RAB22A: variants seen among roughly 807,000 people sequenced by gnomAD.
RAB22A encodes RAB22A, member RAS oncogene family.
RAB22A carries 13 observed loss-of-function variants against 30.2 expected under a neutral mutation model. The ratio of observed to expected loss-of-function variants is 0.43; its 90% confidence interval spans 0.28 to 0.68. The LOEUF is 0.68. Among genes scored for constraint, RAB22A ranks in the 30% least tolerant of loss-of-function variants. The probability of loss-of-function intolerance (pLI) is 0.18; values close to 1 mark genes in which losing one functional copy is unlikely to be tolerated. For missense variants in RAB22A, 177 were observed against 246.8 expected, an observed-to-expected ratio of 0.72 and a Z score of 1.89; for synonymous variants, 89 against 87.2, an observed-to-expected ratio of 1.02 and a Z score of -0.11.
At chr20:58,326,041 T>C (rs1010957129) in intron 2 of RAB22A, among the ~76,000 whole-genome samples, 1 of 152,238 alleles carries the variant, frequency 6.6e-6, no homozygotes, top group African/African-American at 2.4e-5. Context: ...GAATTTAATA[T>C]CTTACTGATA....
At chr20:58,314,665 A>AC (rs1353882033) in intron 2 of RAB22A, among the ~76,000 whole-genome samples, 1 of 150,820 alleles carries the variant, frequency 6.6e-6, no homozygotes, top group Non-Finnish European at 1.5e-5. Flanking sequence ...ACATGGTGAA[A>AC]CCCCGTCTCT....
In RAB22A at chr20:58,309,737, A is replaced by AGAT; in HGVS notation, c.-238_-236dup. The AGAT allele has an allele frequency of 4.1e-6, 1 of 244,052 alleles. No individual in the cohort carries two copies. The highest frequency in any genetic ancestry group is 7.8e-6 in the Non-Finnish European group (1 of 129,010). The allele number at this position is 244,052 out of a possible 1,614,324, so 15.1% of individuals were successfully genotyped here. On this transcript the variant is annotated 5_prime_UTR_variant, in exon 1 of 7. The change creates a new upstream start codon in the 5' untranslated region. Transcript: ENST00000244040. ...GTCAGGTGACGCGGCCGGCGTCCCA[A>AGAT]GATGGCGGCGGCGGCGGCTCCCGGA...
chr20:58,355,331 A>G (rs527712361), intron 6 of RAB22A, among the ~76,000 whole-genome samples: 8 of 152,274 alleles, frequency 5.3e-5, no homozygotes, highest in Non-Finnish European at 1.0e-4. Flanking sequence ...AGCTGGGGCC[A>G]CACTGGAATG....
chr20:58,353,730 T>C (rs944220753), intron 5 of RAB22A, among the ~76,000 whole-genome samples, 192 bp downstream of exon 5: 1 of 152,236 alleles, frequency 6.6e-6, no homozygotes, highest in African/African-American at 2.4e-5. Context: ...ATATTATGTA[T>C]ACAGACAGGT....
intron 2 of RAB22A, among the ~76,000 whole-genome samples, chr20:58,329,190 A>G (rs1339752354): frequency 6.6e-6 from 1 of 151,586 alleles, no homozygotes. Flanking sequence ...AGTAGCTGGG[A>G]TTACAGGCGC....
At chr20:58,312,552 G>C (rs554138520) in intron 2 of RAB22A, among the ~76,000 whole-genome samples, 5 of 129,198 alleles carry the variant, frequency 3.9e-5, no homozygotes, top group African/African-American at 1.4e-4. Context: ...GCAGTGGCGC[G>C]ATCTTGGCTC....
At position 58,364,008 on chromosome 20, in the gene RAB22A, G is replaced by A. The variant is rs1355471220; in HGVS notation, c.*4305G>A. The A allele has an allele frequency of 2.6e-5, 4 of 152,596 alleles. No individual in the cohort carries two copies. The highest frequency in any genetic ancestry group is 4.4e-5 in the Non-Finnish European group (3 of 68,038). 9.5% of individuals were successfully genotyped at this position (152,596 alleles called of 1,614,324 possible). On this transcript the variant is annotated 3_prime_UTR_variant, in exon 7 of 7. Transcript: ENST00000244040. ...CTTGACTTCTAATAATATAAATCCA[G>A]GCAGTTTGATTATCCGATTTGCAAG...
At chr20:58,313,244 A>G (rs1207125363) in intron 2 of RAB22A, among the ~76,000 whole-genome samples, 1 of 151,882 alleles carries the variant, frequency 6.6e-6, no homozygotes, top group Non-Finnish European at 1.5e-5. Flanking sequence ...CCTCTAGTCC[A>G]CTCTCTGCAC....
chr20:58,317,772 T>C (rs572265311), intron 2 of RAB22A, among the ~76,000 whole-genome samples: 2 of 151,640 alleles, frequency 1.3e-5, no homozygotes, highest in East Asian at 3.9e-4. Flanking sequence ...GGTCTTGATC[T>C]CCTGACCTCG....
Position 58,363,972 on chromosome 20 carries a change from G to A in RAB22A, c.*4269G>A, listed in dbSNP as rs1388834705. ...CCTCTGCGAATTTCTCTTGACAGCG[G>A]AGTTGCTTGTCTTGACTTCTAATAA... On this transcript the variant is annotated 3_prime_UTR_variant, in exon 7 of 7. Coordinates refer to ENST00000244040, the MANE Select transcript of RAB22A (RefSeq NM_020673.3). 1 of 152,624 alleles carries A rather than the reference G, an allele frequency of 6.6e-6. No homozygotes were observed. The highest frequency in any genetic ancestry group is 1.5e-5 in the Non-Finnish European group (1 of 68,046). 9.5% of individuals were successfully genotyped at this position (152,624 alleles called of 1,614,324 possible).
intron 2 of RAB22A, among the ~76,000 whole-genome samples, chr20:58,316,279 G>T (rs777604106): frequency 1.3e-5 from 2 of 151,986 alleles, no homozygotes; most frequent in Non-Finnish European, 2.9e-5. Flanking sequence ...AGGTCCCCTC[G>T]TTCATCTTCT....
chr20:58,359,710 C>T lies in RAB22A; in HGVS notation c.*7C>T, dbSNP rs764208527. 5 of 1,592,558 alleles carry T rather than the reference C, an allele frequency of 3.1e-6. No homozygotes were observed. The East Asian group carries it at 1.1e-4, about 36-fold the overall frequency. On this transcript the variant is annotated 3_prime_UTR_variant, in exon 7 of 7. Coordinates refer to ENST00000244040, the MANE Select transcript of RAB22A (RefSeq NM_020673.3). The stretch of plus-strand genomic sequence containing the variant: ...AAAGCGGAGCTGCTGCTGACCGAAC[C>T]TCAGCCTCTCAGACTTGATGATGAA...
chr20:58,353,248 G>A (rs1278818266), intron 3 of RAB22A, 25 bp from the exon 4 acceptor site: 2 of 1,602,844 alleles, frequency 1.2e-6, no homozygotes, highest in Non-Finnish European at 1.7e-6. Context: ...TCCCAATTTT[G>A]TTTATTTTTC....
chr20:58,319,586 A>G (rs967415323), intron 2 of RAB22A, among the ~76,000 whole-genome samples: 15 of 152,206 alleles, frequency 9.9e-5, no homozygotes, highest in Non-Finnish European at 1.8e-4. Flanking sequence ...CAGTTCCTCA[A>G]AAGAGCCAGG....
chr20:58,343,939 A>AGCCTTT lies in RAB22A; in HGVS notation c.198+153_198+158dup, dbSNP rs1016462782. ...ACATTTATTTCCATTTGCGTAGGCC[A>AGCCTTT]GCCTTTGCCTTTGCCTTTTCAATTA... On this transcript the variant is annotated intron_variant, in intron 3 of 6. Transcript: ENST00000244040. 121 of 728,502 alleles carry AGCCTTT rather than the reference A, an allele frequency of 1.7e-4. No individual in the cohort carries two copies. In the African/African-American group the frequency reaches 1.8e-3, roughly 11 times the overall value. 45.1% of individuals were successfully genotyped at this position (728,502 alleles called of 1,614,324 possible).
intron 3 of RAB22A, among the ~76,000 whole-genome samples, chr20:58,352,769 A>G (rs1470986082): frequency 6.6e-6 from 1 of 152,240 alleles, no homozygotes; most frequent in Non-Finnish European, 1.5e-5. Context: ...GCAAGGAGAT[A>G]TCAAAAAAGC....
intron 2 of RAB22A, among the ~76,000 whole-genome samples, chr20:58,328,970 T>C (rs1207056850): frequency 1.3e-5 from 2 of 152,212 alleles, no homozygotes; most frequent in Non-Finnish European, 2.9e-5. Flanking sequence ...CTAAAGAATT[T>C]CTTTGAGCAT....
chr20:58,322,869 T>C (rs1032840104), intron 2 of RAB22A, among the ~76,000 whole-genome samples: 1 of 152,232 alleles, frequency 6.6e-6, no homozygotes, highest in African/African-American at 2.4e-5. Context: ...ATTTCTAATT[T>C]TTTTTCATAC....
At chr20:58,337,155 G>A (rs1036470942) in intron 2 of RAB22A, among the ~76,000 whole-genome samples, 8 of 152,146 alleles carry the variant, frequency 5.3e-5, no homozygotes, top group Non-Finnish European at 1.2e-4. Context: ...TAGTTCTGGA[G>A]GTGAGAAGTC....
Sources: allele counts gnomAD v4.1 joint callset (sites outside exome capture counted in the v4.1 genomes callset), GRCh38; gene constraint gnomAD v4.1.1; transcripts MANE v1.5; gene names NCBI Gene and HGNC (gene_info 2026-07-23, HGNC 2026-07-21).